The following CCDC181 variants were observed in gnomAD, a reference collection of about 807,000 sequenced individuals.
The protein encoded by CCDC181 is coiled-coil domain containing 181, also known as coiled-coil domain-containing protein 181.
Under a neutral mutation model 58.7 loss-of-function variants are expected in CCDC181, and 35 were observed. The observed-to-expected ratio is 0.60, with a 90% CI of 0.46 to 0.79. CCDC181 has a LOEUF of 0.79. Among genes scored for constraint, CCDC181 ranks in the 30% least tolerant of loss-of-function variants. The pLI, the probability that CCDC181 is intolerant of heterozygous loss-of-function variation, is 0.00. For missense variants in CCDC181, 517 were observed against 583.9 expected (o/e 0.89, Z 1.18); for synonymous variants, 183 against 197.5 (o/e 0.93, Z 0.62).
chr1:169,423,393 A>G (rs1161209606), intron 2 of CCDC181, among the ~76,000 whole-genome samples: 1 of 150,042 alleles, frequency 6.7e-6, no homozygotes, highest in Non-Finnish European at 1.5e-5. Flanking sequence ...TCTCTGGTTC[A>G]TTCTTATAGT....
intron 2 of CCDC181, among the ~76,000 whole-genome samples, chr1:169,447,877 A>G (rs1468557110): frequency 1.3e-5 from 2 of 152,008 alleles, no homozygotes; most frequent in Non-Finnish European, 2.9e-5. Context: ...TAATCTATAT[A>G]TGTCTTCATA....
upstream of CCDC181, among the ~76,000 whole-genome samples, chr1:169,427,717 A>G (rs185276429): frequency 6.6e-6 from 1 of 152,332 alleles, no homozygotes; most frequent in East Asian, 1.9e-4. Context: ...CTATATTTCT[A>G]TATGTTATGT....
chr1:169,401,456 G>A (rs944713325), intron 4 of CCDC181, among the ~76,000 whole-genome samples: 1 of 152,202 alleles, frequency 6.6e-6, no homozygotes, highest in Non-Finnish European at 1.5e-5. Context: ...GAAGCTTCCA[G>A]AGGAAGGATC....
At chr1:169,447,897 G>A (rs1271396524) in intron 2 of CCDC181, among the ~76,000 whole-genome samples, 2 of 151,864 alleles carry the variant, frequency 1.3e-5, no homozygotes, top group East Asian at 3.9e-4. Flanking sequence ...ATTTAAAGTG[G>A]GCTTTTTGTA....
intron 4 of CCDC181, among the ~76,000 whole-genome samples, chr1:169,411,409 C>CA (rs1220459479): frequency 2.6e-5 from 4 of 151,902 alleles, no homozygotes; most frequent in Non-Finnish European, 5.9e-5. Flanking sequence ...GCCTACCAAC[C>CA]AAAAAAAGCC....
At chr1:169,398,985 G>GCT (rs1655202833) in intron 4 of CCDC181, among the ~76,000 whole-genome samples, 1 of 152,164 alleles carries the variant, frequency 6.6e-6, no homozygotes, top group Admixed American at 6.5e-5. Context: ...TGTTTGGCAT[G>GCT]ATCAATAAAT....
upstream of CCDC181, among the ~76,000 whole-genome samples, chr1:169,432,099 G>A (rs1280709412): frequency 6.6e-6 from 1 of 152,050 alleles, no homozygotes; most frequent in Non-Finnish European, 1.5e-5. Flanking sequence ...GAAAGATGTG[G>A]AGAAAGTGAA....
chr1:169,423,759 G>A (rs1052192709), intron 2 of CCDC181, among the ~76,000 whole-genome samples: 9 of 151,810 alleles, frequency 5.9e-5, no homozygotes, highest in Non-Finnish European at 1.0e-4. Flanking sequence ...TGAGAAATTG[G>A]TTCAACCTTA....
chr1:169,438,088 T>C (rs926525466), intron 2 of CCDC181, among the ~76,000 whole-genome samples: 1 of 152,104 alleles, frequency 6.6e-6, no homozygotes, highest in South Asian at 2.1e-4. Flanking sequence ...GGCTTGTAGG[T>C]GTCCTAAACC....
chr1:169,434,914 G>A (rs970603076), intron 2 of CCDC181, among the ~76,000 whole-genome samples: 1 of 152,058 alleles, frequency 6.6e-6, no homozygotes, highest in African/African-American at 2.4e-5. Context: ...ACAGAAAGTA[G>A]AATCGTGTTT....
chr1:169,394,904 T>C lies in CCDC181; in HGVS notation c.*143A>G. 1 of 693,166 alleles carries C rather than the reference T, an allele frequency of 1.4e-6. No homozygotes were observed. The highest frequency in any genetic ancestry group is 2.2e-6 in the Non-Finnish European group (1 of 452,690). The allele number at this position is 693,166 out of a possible 1,614,324, so 42.9% of individuals were successfully genotyped here. A position where few individuals can be genotyped will look rare whatever the true frequency, so the allele number is the denominator to read the frequency against. On this transcript the variant is annotated 3_prime_UTR_variant, in exon 6 of 6. Transcript: ENST00000367806. Reference sequence around the variant, plus strand: ...TGTGAGAAAAAAATTTATTTTGTTCTAGTATTAAAAAAACAAATTCACTGT... The same window carrying C: ...TGTGAGAAAAAAATTTATTTTGTTCCAGTATTAAAAAAACAAATTCACTGT...
intron 4 of CCDC181, among the ~76,000 whole-genome samples, chr1:169,399,586 A>G (rs1370172534): frequency 6.6e-6 from 1 of 152,178 alleles, no homozygotes; most frequent in Non-Finnish European, 1.5e-5. Flanking sequence ...GAGGAAAATA[A>G]AAAATTCTAA....
intron 3 of CCDC181, 53 bp downstream of exon 3, chr1:169,421,310 T>C: frequency 7.4e-7 from 1 of 1,352,566 alleles, no homozygotes; most frequent in East Asian, 2.4e-5. Flanking sequence ...ATTGCATTTA[T>C]AAAACAGTAA....
At chr1:169,430,084 G>T (rs1415970854), upstream of CCDC181, among the ~76,000 whole-genome samples, 4 of 151,964 alleles carry the variant, frequency 2.6e-5, no homozygotes, top group Admixed American at 2.6e-4. Context: ...CTTTATATTT[G>T]TGTGTGCTTT....
intron 2 of CCDC181, among the ~76,000 whole-genome samples, chr1:169,432,852 A>G (rs1656956891): frequency 6.6e-6 from 1 of 152,148 alleles, no homozygotes; most frequent in African/African-American, 2.4e-5. Flanking sequence ...CAACTTAATA[A>G]AAGGCATATA....
intron 4 of CCDC181, among the ~76,000 whole-genome samples, chr1:169,400,244 G>T (rs1030031744): frequency 2.9e-4 from 44 of 152,096 alleles, no homozygotes; most frequent in African/African-American, 9.4e-4. Context: ...CTAGAGTAAG[G>T]ACCATGCTCT....
intron 2 of CCDC181, among the ~76,000 whole-genome samples, chr1:169,440,341 G>T (rs1383392941): frequency 6.6e-6 from 1 of 152,182 alleles, no homozygotes; most frequent in African/African-American, 2.4e-5. Flanking sequence ...ATTTGTAACT[G>T]CCCAGTAGGT....
At chr1:169,408,850 A>G (rs1472171085) in intron 4 of CCDC181, among the ~76,000 whole-genome samples, 1 of 152,190 alleles carries the variant, frequency 6.6e-6, no homozygotes, top group East Asian at 1.9e-4. Flanking sequence ...AACATCAACA[A>G]AAAGGATATC....
chr1:169,402,771 A>G (rs1212075543), intron 4 of CCDC181, among the ~76,000 whole-genome samples: 2 of 152,220 alleles, frequency 1.3e-5, no homozygotes, highest in Non-Finnish European at 2.9e-5. Context: ...TAACCAGCTA[A>G]CATCATAATG....
Sources: gnomAD v4.1 joint callset for allele counts (sites outside exome capture counted in the v4.1 genomes callset) on GRCh38, gnomAD v4.1.1 for gene constraint, MANE v1.5 for transcripts, NCBI Gene and HGNC (gene_info 2026-07-23, HGNC 2026-07-21) for gene names.